NDC1: variants seen among roughly 807,000 people sequenced by gnomAD.
NDC1 encodes the protein NDC1 transmembrane nucleoporin.
In NDC1, 24 loss-of-function variants were observed where a neutral mutation model predicts 89.8. The observed-to-expected ratio is 0.27, with a 90% CI of 0.19 to 0.38. The LOEUF is 0.38. Ranked by LOEUF, NDC1 falls within the 10% of genes least tolerant of loss-of-function variation. The pLI, the probability that NDC1 is intolerant of heterozygous loss-of-function variation, is 1.00. For synonymous variants in NDC1, 296 were observed against 284.8 expected, an observed-to-expected ratio of 1.04 and a Z score of -0.39; for missense variants, 728 against 797.6, an observed-to-expected ratio of 0.91 and a Z score of 1.05.
intron 3 of NDC1, among the ~76,000 whole-genome samples, chr1:53,828,765 C>T (rs1290954031): frequency 6.6e-6 from 1 of 152,018 alleles, no homozygotes; most frequent in African/African-American, 2.4e-5. Context: ...GTGCCTGCCA[C>T]CATGCCTGGC....
intron 5 of NDC1, among the ~76,000 whole-genome samples, chr1:53,825,239 G>A (rs1238823388): frequency 6.6e-6 from 1 of 151,966 alleles, no homozygotes; most frequent in Non-Finnish European, 1.5e-5. Flanking sequence ...ACTTTGGGAG[G>A]CTGAGGTGGG....
At chr1:53,774,875 C>T (rs973827565) in intron 16 of NDC1, among the ~76,000 whole-genome samples, 3 of 151,796 alleles carry the variant, frequency 2.0e-5, no homozygotes, top group Non-Finnish European at 2.9e-5. Flanking sequence ...TGGGCAACAG[C>T]GCAACAACCT....
intron 1 of NDC1, among the ~76,000 whole-genome samples, chr1:53,837,879 C>T (rs760682773): frequency 3.3e-5 from 5 of 152,178 alleles, no homozygotes; most frequent in Non-Finnish European, 5.9e-5. Flanking sequence ...CTTAACGAAA[C>T]AAATTAAGTT....
intron 14 of NDC1, among the ~76,000 whole-genome samples, chr1:53,791,055 TCCC>T (rs1246799735): frequency 6.6e-6 from 1 of 152,178 alleles, no homozygotes; most frequent in Non-Finnish European, 1.5e-5. Flanking sequence ...TACCCATCCT[TCCC>T]AGTCTCTGTT....
chr1:53,790,652 A>G (rs1055432343), intron 14 of NDC1, among the ~76,000 whole-genome samples: 1 of 152,082 alleles, frequency 6.6e-6, no homozygotes, highest in African/African-American at 2.4e-5. Flanking sequence ...GGTTGCAGTG[A>G]GTCGAGATCA....
intron 15 of NDC1, among the ~76,000 whole-genome samples, chr1:53,787,887 G>A (rs1647358139): frequency 6.9e-6 from 1 of 145,430 alleles, no homozygotes; most frequent in African/African-American, 2.6e-5. Context: ...AAAAAAACAT[G>A]TGGTAAGGGC....
At chr1:53,834,426 T>C (rs929288436) in intron 2 of NDC1, among the ~76,000 whole-genome samples, 2 of 152,368 alleles carry the variant, frequency 1.3e-5, no homozygotes, top group East Asian at 3.9e-4. Context: ...GAAAAAGTGA[T>C]GGACGTACGT....
chr1:53,797,332 G>T (rs370951462), intron 11 of NDC1, among the ~76,000 whole-genome samples, 188 bp from the exon 12 acceptor site: 1 of 152,082 alleles, frequency 6.6e-6, no homozygotes, highest in Non-Finnish European at 1.5e-5. Flanking sequence ...CACTCAAAGA[G>T]CTTTATACAT....
chr1:53,818,955 A>G lies in NDC1; in HGVS notation c.703+16T>C, dbSNP rs1418867615. ...TGAGATAATATATCACTGTATCAAA[A>G]AGCAGAAATTCTTACCAAGAAAATA... On this transcript the variant is annotated intron_variant, in intron 6 of 17. Transcript: ENST00000371429. 6.7e-6 allele frequency: 8 copies of G among 1,189,250 alleles called. No individual in the cohort carries two copies. The highest frequency in any genetic ancestry group is 1.5e-5 in the African/African-American group (1 of 64,722). 73.7% of individuals were successfully genotyped at this position (1,189,250 alleles called of 1,614,324 possible).
intron 6 of NDC1, among the ~76,000 whole-genome samples, chr1:53,813,183 A>G (rs138113786): frequency 6.0e-4 from 91 of 152,352 alleles, no homozygotes; most frequent in African/African-American, 2.1e-3. Flanking sequence ...CAGGACCTAT[A>G]AAACAAAAAT....
chr1:53,800,667 C>A (rs1440361945), intron 11 of NDC1, 26 bp downstream of exon 11: 2 of 1,610,074 alleles, frequency 1.2e-6, no homozygotes, highest in Admixed American at 1.7e-5. Flanking sequence ...TAAATGTTTT[C>A]CCCTCTTAGT....
chr1:53,812,063 T>C (rs1648326295), intron 6 of NDC1, among the ~76,000 whole-genome samples: 1 of 151,780 alleles, frequency 6.6e-6, no homozygotes, highest in African/African-American at 2.4e-5. Flanking sequence ...AGGCGGAGAG[T>C]ACTGCATCAA....
At chr1:53,823,017 A>G (rs1167698515) in intron 5 of NDC1, among the ~76,000 whole-genome samples, 4 of 152,184 alleles carry the variant, frequency 2.6e-5, no homozygotes, top group Admixed American at 2.6e-4. Context: ...AATGAAAGAA[A>G]GATAAGCTAC....
intron 14 of NDC1, among the ~76,000 whole-genome samples, chr1:53,791,317 G>A (rs994009586): frequency 1.3e-5 from 2 of 152,094 alleles, no homozygotes. Flanking sequence ...TACTCAGGAG[G>A]CTGAGGCAGG....
intron 11 of NDC1, 136 bp from the exon 12 acceptor site, chr1:53,797,280 A>T: frequency 1.2e-6 from 1 of 801,722 alleles, no homozygotes; most frequent in Non-Finnish European, 2.0e-6. Flanking sequence ...TCCATTTATG[A>T]TTATAGTCTC....
At chr1:53,824,946 G>C (rs12564079) in intron 5 of NDC1, among the ~76,000 whole-genome samples, 17,805 of 152,142 alleles carry the variant, frequency 0.12, 1,177 homozygotes, top group Non-Finnish European at 0.15. Flanking sequence ...GATCAACACA[G>C]GCAGATAGCT....
chr1:53,831,220 G>A (rs13375278), intron 3 of NDC1, among the ~76,000 whole-genome samples: 3,629 of 151,834 alleles, frequency 0.024, 172 homozygotes, highest in African/African-American at 0.083. Context: ...GCAAGACTCC[G>A]TCTCAAAAAT....
intron 16 of NDC1, among the ~76,000 whole-genome samples, chr1:53,780,273 C>T (rs1647194670): frequency 1.3e-5 from 2 of 152,106 alleles, no homozygotes; most frequent in South Asian, 4.1e-4. Context: ...AGGGTTTCAC[C>T]ATGTTGGCCA....
chr1:53,791,450 AAAG>A (rs1425427838), intron 14 of NDC1, among the ~76,000 whole-genome samples: 2 of 152,050 alleles, frequency 1.3e-5, no homozygotes, highest in Non-Finnish European at 2.9e-5. Context: ...AAAAAAAAAA[AAAG>A]ATTATGATGT....
Sources: allele counts gnomAD v4.1 joint callset (sites outside exome capture counted in the v4.1 genomes callset), GRCh38; gene constraint gnomAD v4.1.1; transcripts MANE v1.5; gene names NCBI Gene and HGNC (gene_info 2026-07-23, HGNC 2026-07-21).